TMEM63C: variants seen among roughly 807,000 people sequenced by gnomAD.
TMEM63C encodes the protein transmembrane protein 63C.
TMEM63C carries 32 observed loss-of-function variants against 99.2 expected under a neutral mutation model. The observed-to-expected ratio is 0.32, with a 90% confidence interval of 0.24 to 0.43. TMEM63C has a LOEUF of 0.43. Among genes scored for constraint, TMEM63C ranks in the 20% least tolerant of loss-of-function variants. The pLI is 1.00. For missense variants in TMEM63C, 826 were observed against 1,053.0 expected, an observed-to-expected ratio of 0.78 and a Z score of 2.98; for synonymous variants, 376 against 397.9, an observed-to-expected ratio of 0.94 and a Z score of 0.66.
At chr14:77,203,476 C>T (rs1888338470) in intron 1 of TMEM63C, among the ~76,000 whole-genome samples, 1 of 151,816 alleles carries the variant, frequency 6.6e-6, no homozygotes, top group Admixed American at 6.6e-5. Context: ...GCACTGGCAA[C>T]AGTTTCTTGT....
intron 10 of TMEM63C, 89 bp downstream of exon 10, chr14:77,238,856 A>G: frequency 1.9e-6 from 2 of 1,080,500 alleles, no homozygotes; most frequent in East Asian, 2.4e-5. Context: ...TTGGTGCAGG[A>G]TGGTGGGACT....
intron 1 of TMEM63C, among the ~76,000 whole-genome samples, chr14:77,204,325 G>C (rs774663833): frequency 6.6e-6 from 1 of 152,172 alleles, no homozygotes; most frequent in Non-Finnish European, 1.5e-5. Context: ...AAAGCCCTAG[G>C]GGGAGACAGA....
rs1301812490 is a variant in TMEM63C, at chr14:77,246,640, A to G, written c.1567A>G (p.Ile523Val). 3.7e-6 allele frequency: 6 copies of G among 1,613,438 alleles called. No homozygotes were observed. The highest frequency in any genetic ancestry group is 4.2e-6 in the Non-Finnish European group (5 of 1,179,690). Residue 523 changes from isoleucine to valine, a missense_variant, in exon 18 of 24, where the codon ATC (isoleucine) becomes GTC (valine). By Grantham distance (29) the Ile-to-Val change is conservative. Transcript: ENST00000298351. ...TGTCTTTCTCCGCTGGCTCTTTGACATCTACTATCTAGAGCAAGCATCCAT... is the reference window on the plus strand; with the variant it reads ...TGTCTTTCTCCGCTGGCTCTTTGACGTCTACTATCTAGAGCAAGCATCCAT... ...LDVFLRWLFD[I>V]YYLEQASIRF...
At chr14:77,203,002 C>A (rs1408844141) in intron 1 of TMEM63C, among the ~76,000 whole-genome samples, 1 of 152,160 alleles carries the variant, frequency 6.6e-6, no homozygotes, top group Non-Finnish European at 1.5e-5. Flanking sequence ...CAACACTTAC[C>A]CAGTGATGCT....
intron 15 of TMEM63C, 84 bp from the exon 16 acceptor site, chr14:77,244,265 G>A: frequency 1.9e-6 from 2 of 1,057,476 alleles, no homozygotes; most frequent in South Asian, 1.4e-5. Context: ...GCCAGCCCTG[G>A]GAGTGAGTGG....
chr14:77,251,443 A>G (rs2140132748), intron 21 of TMEM63C, among the ~76,000 whole-genome samples: 1 of 152,240 alleles, frequency 6.6e-6, no homozygotes, highest in South Asian at 2.1e-4. Context: ...GGTGTAGGTC[A>G]GAGATGGCGT....
intron 16 of TMEM63C, among the ~76,000 whole-genome samples, chr14:77,244,788 G>T (rs1232159774): frequency 6.6e-6 from 1 of 152,228 alleles, no homozygotes; most frequent in Non-Finnish European, 1.5e-5. Flanking sequence ...GCAGTCCCAG[G>T]CATTCCATGC....
At chr14:77,253,885 GTC>G (rs3217185) in intron 23 of TMEM63C, among the ~76,000 whole-genome samples, 47,052 of 152,078 alleles carry the variant, frequency 0.31, 8,316 homozygotes, top group East Asian at 0.6. Flanking sequence ...GCTGGGTGCT[GTC>G]TCTCACACAG....
At chr14:77,202,398 A>G (rs1331843678) in intron 1 of TMEM63C, among the ~76,000 whole-genome samples, 2 of 151,964 alleles carry the variant, frequency 1.3e-5, no homozygotes, top group Admixed American at 1.3e-4. Context: ...GCAACAAATT[A>G]CCACAAACTG....
intron 6 of TMEM63C, among the ~76,000 whole-genome samples, chr14:77,226,476 T>G (rs191331050): frequency 2.0e-4 from 31 of 152,258 alleles, no homozygotes; most frequent in African/African-American, 4.8e-4. Context: ...TTCGTAGCAT[T>G]CAGAATGGGA....
At chr14:77,247,658 C>T (rs562030877) in intron 18 of TMEM63C, among the ~76,000 whole-genome samples, 12 of 152,264 alleles carry the variant, frequency 7.9e-5, no homozygotes, top group East Asian at 5.8e-4. Flanking sequence ...CTGCCAATTT[C>T]GATTTTTTTG....
chr14:77,246,641 TCTA>T lies in TMEM63C; in HGVS notation c.1572_1574del (p.Tyr525del). ...GTCTTTCTCCGCTGGCTCTTTGACA[TCTA>T]CTATCTAGAGCAAGCATCCATCAGG... On this transcript the variant is annotated inframe_deletion, in exon 18 of 24. Transcript: ENST00000298351. 1 of 1,613,470 alleles carries T rather than the reference TCTA, an allele frequency of 6.2e-7. No homozygotes were observed. Among genetic ancestry groups the T allele is most frequent in the Non-Finnish European group, 8.5e-7 (1 of 1,179,694 alleles).
At chr14:77,248,588 C>T (rs973476309) in intron 19 of TMEM63C, 79 bp downstream of exon 19, 340 of 1,537,300 alleles carry the variant, frequency 2.2e-4, no homozygotes, top group Middle Eastern at 1.2e-3. Flanking sequence ...CTAGAAGCAC[C>T]AAGGGGGTTG....
intron 13 of TMEM63C, 42 bp downstream of exon 13, chr14:77,240,650 C>T (rs1161692526): frequency 6.3e-7 from 1 of 1,595,270 alleles, no homozygotes; most frequent in Non-Finnish European, 8.5e-7. Flanking sequence ...CAAGCATACT[C>T]CTGCTTCTCG....
rs1394784274 is a variant in TMEM63C at position 77,194,543 on chromosome 14, TTCTTTCTTTCTC to T, written c.-77+12651_-77+12662del. Among the ~76,000 whole-genome samples the T allele has an allele frequency of 2.2e-3, 50 of 22,878 alleles. 1 individual carries two copies. Among genetic ancestry groups the T allele is most frequent in the Admixed American group, 5.3e-3 (7 of 1,332 alleles). The allele number at this position is 22,878 out of a possible 152,430, so 15.0% of individuals were successfully genotyped here. A position where few individuals can be genotyped will look rare whatever the true frequency, so the allele number is the denominator to read the frequency against. ...TTTCTTTCTTTCTTTCTTTCTTTCTTTCTTTCTTTCTCTTTCTTTCTTTCTGTCTTTCTTTCT... is the reference window on the plus strand; with the variant it reads ...TTTCTTTCTTTCTTTCTTTCTTTCTTTTTCTTTCTTTCTGTCTTTCTTTCT... On this transcript the variant is annotated intron_variant, in intron 1 of 23. Coordinates refer to ENST00000298351, the MANE Select transcript of TMEM63C (RefSeq NM_020431.4).
intron 23 of TMEM63C, among the ~76,000 whole-genome samples, chr14:77,253,864 A>G (rs1889416852): frequency 2.0e-5 from 3 of 148,734 alleles, no homozygotes; most frequent in Non-Finnish European, 4.4e-5. Context: ...TGCAGAGTGC[A>G]GGGCCTGCAG....
intron 1 of TMEM63C, among the ~76,000 whole-genome samples, chr14:77,202,050 C>T (rs920298978): frequency 2.6e-5 from 4 of 152,212 alleles, no homozygotes; most frequent in Non-Finnish European, 5.9e-5. Context: ...GTGCTCCCTG[C>T]AGCAGGGGCC....
In TMEM63C at chr14:77,253,325, G is replaced by T; in HGVS notation, c.2169G>T (p.Gln723His). ...ADYEPEEEEI[Q>H]TVFDMEPSST... ...TGCAGCCCGAGGAGGAGGAGATCCAGACAGTGTTTGACATGGAGCCAAGCA... is the reference window on the plus strand; with the variant it reads ...TGCAGCCCGAGGAGGAGGAGATCCATACAGTGTTTGACATGGAGCCAAGCA... Residue 723 changes from glutamine (Q) to histidine (H), a missense_variant, in exon 23 of 24, where the codon CAG becomes CAT. Gln to His is a conservative substitution (Grantham distance 24). Transcript: ENST00000298351. 2 of 1,613,150 alleles carry T rather than the reference G, an allele frequency of 1.2e-6. No individual in the cohort carries two copies. The highest frequency in any genetic ancestry group is 1.7e-6 in the Non-Finnish European group (2 of 1,179,692).
chr14:77,183,867 G>C (rs1037946653), intron 1 of TMEM63C, among the ~76,000 whole-genome samples: 1 of 152,124 alleles, frequency 6.6e-6, no homozygotes, highest in Non-Finnish European at 1.5e-5. Flanking sequence ...CCAGAGAGGA[G>C]AGGGCCCACC....
Sources: allele counts gnomAD v4.1 joint callset (sites outside exome capture counted in the v4.1 genomes callset), GRCh38; gene constraint gnomAD v4.1.1; transcripts MANE v1.5; gene names NCBI Gene and HGNC (gene_info 2026-07-23, HGNC 2026-07-21).